Variants in MORC4 observed in about 807,000 individuals in gnomAD.
The protein encoded by MORC4 is MORC family CW-type zinc finger protein 4.
Under a neutral mutation model 65.5 loss-of-function variants are expected in MORC4, and 22 were observed. That is an observed-to-expected ratio of 0.34 (90% CI 0.24 to 0.48). The LOEUF (loss-of-function observed/expected upper bound fraction) is 0.48. Among genes scored for constraint, MORC4 ranks in the 20% least tolerant of loss-of-function variants. MORC4 has a pLI of 0.99. For synonymous variants in MORC4, 267 were observed against 255.8 expected, an observed-to-expected ratio of 1.04 and a Z score of -0.42; for missense variants, 624 against 703.0, an observed-to-expected ratio of 0.89 and a Z score of 1.27.
At chrX:106,976,789 G>T in intron 8 of MORC4, 105 bp from the exon 9 acceptor site, 1 of 508,954 alleles carries the variant, frequency 2.0e-6, no homozygotes. Flanking sequence ...ACCTTCATGG[G>T]CAAGAAAAGA....
chrX:106,941,371 T>TGAGAGAGAGA lies in MORC4; in HGVS notation c.*98_*107dup, dbSNP rs58310740. On this transcript the variant is annotated 3_prime_UTR_variant, in exon 17 of 17. Coordinates refer to ENST00000355610, the MANE Select transcript of MORC4 (RefSeq NM_024657.5). The stretch of plus-strand genomic sequence containing the variant: ...TCTATATAAGGCATAAAGGTGAGGG[T>TGAGAGAGAGA]GAGAGAGAGAGAGAGAGAGAGAGAG... 551 of 395,559 alleles carry TGAGAGAGAGA rather than the reference T, an allele frequency of 1.4e-3. 10 individuals are homozygous for TGAGAGAGAGA. The highest frequency in any genetic ancestry group is 0.012 in the African/African-American group (359 of 30,613). 32.6% of individuals were successfully genotyped at this position (395,559 alleles called of 1,213,427 possible).
chrX:106,954,765 A>G, intron 14 of MORC4, 148 bp downstream of exon 14: 2 of 540,543 alleles, frequency 3.7e-6, no homozygotes, highest in Non-Finnish European at 6.0e-6. Context: ...GCAACACACA[A>G]TTCTATCAAC....
intron 14 of MORC4, among the ~76,000 whole-genome samples, chrX:106,954,375 G>A (rs1035772228): frequency 8.9e-6 from 1 of 112,364 alleles, no homozygotes; most frequent in Non-Finnish European, 1.9e-5. Context: ...TAACACTGAT[G>A]AGGTGCTAGA....
At chrX:106,982,575 A>G (rs1934772916) in intron 5 of MORC4, among the ~76,000 whole-genome samples, 1 of 111,321 alleles carries the variant, frequency 9.0e-6, no homozygotes, top group African/African-American at 3.3e-5. Context: ...TGTCCCTCAC[A>G]TTCCCCATCT....
chrX:106,953,918 G>A (rs1934036608), intron 14 of MORC4, among the ~76,000 whole-genome samples: 1 of 112,167 alleles, frequency 8.9e-6, no homozygotes, highest in African/African-American at 3.2e-5. Flanking sequence ...GAGGTCGGGA[G>A]TTCGAGACCA....
intron 14 of MORC4, among the ~76,000 whole-genome samples, 199 bp downstream of exon 14, chrX:106,954,714 C>A (rs1934060475): frequency 8.9e-6 from 1 of 112,196 alleles, no homozygotes; most frequent in African/African-American, 3.2e-5. Flanking sequence ...AAATTATAGA[C>A]CTGATACAGC....
At chrX:106,946,668 T>C (rs889874789) in intron 14 of MORC4, among the ~76,000 whole-genome samples, 1 of 112,458 alleles carries the variant, frequency 8.9e-6, no homozygotes, top group Non-Finnish European at 1.9e-5. Context: ...TACTGAGTCA[T>C]ATGGCATTCT....
intron 14 of MORC4, among the ~76,000 whole-genome samples, chrX:106,947,061 T>C (rs1318465990): frequency 1.8e-5 from 2 of 112,120 alleles, no homozygotes; most frequent in Admixed American, 9.5e-5. Flanking sequence ...AATATATTTT[T>C]ACATTTCCAA....
chrX:106,951,436 C>T (rs927798654), intron 14 of MORC4, among the ~76,000 whole-genome samples: 34 of 110,971 alleles, frequency 3.1e-4, no homozygotes, highest in Admixed American at 6.7e-4. Context: ...AGCACAGTTG[C>T]GCAATCACAG....
At chrX:106,990,065 T>C (rs1376512711) in intron 3 of MORC4, among the ~76,000 whole-genome samples, 31 of 103,148 alleles carry the variant, frequency 3.0e-4, no homozygotes, top group Non-Finnish European at 5.1e-4. Context: ...GGCGCACACC[T>C]GTAGTCCCAG....
intron 9 of MORC4, among the ~76,000 whole-genome samples, chrX:106,975,588 TTTC>T (rs1355638036): frequency 9.0e-6 from 1 of 111,480 alleles, no homozygotes; most frequent in African/African-American, 3.2e-5. Context: ...ATTTGGGAAA[TTTC>T]TTTTCTCCCA....
At chrX:106,963,367 T>C (rs1223621252) in intron 9 of MORC4, among the ~76,000 whole-genome samples, 3 of 111,785 alleles carry the variant, frequency 2.7e-5, no homozygotes, top group African/African-American at 6.5e-5. Context: ...GGATGGTAAA[T>C]TGTGGTTAAT....
rs150214448 is a variant in MORC4 at position 106,994,156 on chromosome X, C to G, written c.176-794G>C. 6.6e-3 allele frequency among the ~76,000 whole-genome samples: 741 copies of G among 112,419 alleles called. 6 individuals are homozygous for G. Among genetic ancestry groups the G allele is most frequent in the African/African-American group, 0.023 (701 of 31,012 alleles). ...AAGACTCCAAAGACATCAAATATTG[C>G]CATAGTCTAACAATTGTGTCACGTC... On this transcript the variant is annotated intron_variant, in intron 2 of 16. Transcript: ENST00000355610.
At chrX:106,984,643 ATT>A (rs900657419) in intron 5 of MORC4, among the ~76,000 whole-genome samples, 1 of 98,065 alleles carries the variant, frequency 1.0e-5, no homozygotes, top group Admixed American at 1.1e-4. Flanking sequence ...TAATTTTTGT[ATT>A]TTTTTTTTAA....
intron 10 of MORC4, among the ~76,000 whole-genome samples, 175 bp from the exon 11 acceptor site, chrX:106,958,639 T>C (rs904598889): frequency 4.5e-5 from 5 of 112,190 alleles, no homozygotes; most frequent in East Asian, 2.8e-4. Flanking sequence ...GATAAAATGA[T>C]AGAACTATAG....
chrX:106,981,519 C>A, intron 5 of MORC4, 42 bp from the exon 6 acceptor site: 1 of 1,101,498 alleles, frequency 9.1e-7, no homozygotes, highest in Non-Finnish European at 1.2e-6. Context: ...AAAACTGGCT[C>A]CAGAGGACAA....
chrX:106,965,103 C>G (rs947350792), intron 9 of MORC4, among the ~76,000 whole-genome samples: 1 of 111,472 alleles, frequency 9.0e-6, no homozygotes, highest in African/African-American at 3.3e-5. Flanking sequence ...TTGTTTTCTA[C>G]GCAATTTAAA....
Position 106,966,552 on chromosome X carries a change from G to A in MORC4, c.1158-4442C>T, listed in dbSNP as rs780431759. Reference sequence around the variant, plus strand: ...TAGCCAAGGGAAGCCGTGAGTGACTGTACCTGGAGGAGTGGTACACTTCTG... The same window carrying A: ...TAGCCAAGGGAAGCCGTGAGTGACTATACCTGGAGGAGTGGTACACTTCTG... On this transcript the variant is annotated intron_variant, in intron 9 of 16. Coordinates refer to ENST00000355610, the MANE Select transcript of MORC4 (RefSeq NM_024657.5). Among the ~76,000 whole-genome samples the A allele has an allele frequency of 7.1e-5, 8 of 112,743 alleles. No homozygotes were observed. The Admixed American group carries it at 7.4e-4, about 10-fold the overall frequency.
At chrX:106,986,306 A>G (rs1011628508) in intron 3 of MORC4, 106 bp from the exon 4 acceptor site, 1 of 567,661 alleles carries the variant, frequency 1.8e-6, no homozygotes, top group African/African-American at 2.3e-5. Flanking sequence ...AATAAATAAC[A>G]CTTGTAAAAA....
Sources: allele counts gnomAD v4.1 joint callset (sites outside exome capture counted in the v4.1 genomes callset), GRCh38; gene constraint gnomAD v4.1.1; transcripts MANE v1.5; gene names NCBI Gene and HGNC (gene_info 2026-07-23, HGNC 2026-07-21).